Variants in TASP1 observed in about 807,000 individuals in gnomAD.
TASP1 encodes taspase 1, also known as threonine aspartase 1.
Under a neutral mutation model 56.6 loss-of-function variants are expected in TASP1, and 16 were observed. That is an observed-to-expected ratio of 0.28 (90% CI 0.19 to 0.43). TASP1 has a LOEUF of 0.43. Among genes scored for constraint, TASP1 ranks in the 20% least tolerant of loss-of-function variants. TASP1 has a pLI of 1.00. For synonymous variants in TASP1, 179 were observed against 184.2 expected, an observed-to-expected ratio of 0.97 and a Z score of 0.23; for missense variants, 393 against 511.6, an observed-to-expected ratio of 0.77 and a Z score of 2.24.
At chr20:13,376,620 C>A in the TASP1 span, among the ~76,000 whole-genome samples, 1 of 152,054 alleles carries the variant, frequency 6.6e-6, no homozygotes, top group African/African-American at 2.4e-5. Flanking sequence ...TGAATAAAGT[C>A]AATGGTAGCT....
At chr20:13,605,157 T>C (rs961730304) in intron 4 of TASP1, among the ~76,000 whole-genome samples, 1 of 151,954 alleles carries the variant, frequency 6.6e-6, no homozygotes, top group Non-Finnish European at 1.5e-5. Flanking sequence ...AAAAAGCAGA[T>C]AATGGTTGCC....
chr20:13,581,940 G>A (rs17226705), intron 5 of TASP1, among the ~76,000 whole-genome samples: 3,731 of 152,028 alleles, frequency 0.025, 66 homozygotes, highest in South Asian at 0.068. Flanking sequence ...AGCCAATATC[G>A]GAGACCATAC....
chr20:13,547,129 C>A (rs115799984), intron 8 of TASP1, among the ~76,000 whole-genome samples: 1 of 152,140 alleles, frequency 6.6e-6, no homozygotes, highest in Non-Finnish European at 1.5e-5. Flanking sequence ...TTTCTAGAGA[C>A]TGTGATAAGG....
At chr20:13,499,781 G>A (rs2043877382) in intron 10 of TASP1, among the ~76,000 whole-genome samples, 1 of 152,052 alleles carries the variant, frequency 6.6e-6, no homozygotes, top group Non-Finnish European at 1.5e-5. Flanking sequence ...TATAAACCAT[G>A]GAATACTATG....
intron 6 of TASP1, among the ~76,000 whole-genome samples, chr20:13,573,498 A>C (rs2046789626): frequency 6.6e-6 from 1 of 152,248 alleles, no homozygotes; most frequent in Non-Finnish European, 1.5e-5. Flanking sequence ...GAAACTCTCT[A>C]GAGTTCACTG....
At chr20:13,279,242 AAATAT>A in the TASP1 span, among the ~76,000 whole-genome samples, 1 of 152,224 alleles carries the variant, frequency 6.6e-6, no homozygotes, top group Non-Finnish European at 1.5e-5. Flanking sequence ...CTTCAGGAAC[AAATAT>A]AGTACATGTT....
chr20:13,608,256 G>T (rs191330781), intron 4 of TASP1, among the ~76,000 whole-genome samples: 53 of 152,314 alleles, frequency 3.5e-4, no homozygotes, highest in South Asian at 6.2e-4. Flanking sequence ...ATGAATGGAA[G>T]CCAATGAAAC....
chr20:13,533,805 C>A (rs1359187984), intron 9 of TASP1, among the ~76,000 whole-genome samples: 1 of 151,994 alleles, frequency 6.6e-6, no homozygotes, highest in Admixed American at 6.6e-5. Flanking sequence ...CTAGGATCAA[C>A]GATTGTAAAG....
intron 8 of TASP1, among the ~76,000 whole-genome samples, chr20:13,535,426 C>G (rs1211547723): frequency 1.3e-5 from 2 of 152,166 alleles, no homozygotes; most frequent in Non-Finnish European, 2.9e-5. Flanking sequence ...GCTCTAAATT[C>G]TAACTTCCCT....
intron 5 of TASP1, among the ~76,000 whole-genome samples, chr20:13,581,450 T>C (rs1206169783): frequency 1.3e-5 from 2 of 152,054 alleles, no homozygotes; most frequent in Admixed American, 6.6e-5. Flanking sequence ...GAAAAATTAA[T>C]GGGGGAAAAA....
At chr20:13,160,095 G>C in the TASP1 span, 1 of 1,613,874 alleles carries the variant, frequency 6.2e-7, no homozygotes, top group Non-Finnish European at 8.5e-7. Context: ...GCTCGGTTTT[G>C]TGTTTCAGCG....
chr20:13,152,344 C>T, the TASP1 span, among the ~76,000 whole-genome samples: 11 of 152,174 alleles, frequency 7.2e-5, no homozygotes, highest in African/African-American at 2.4e-4. Context: ...CCTTTAGAGG[C>T]TACCTGATCC....
the TASP1 span, among the ~76,000 whole-genome samples, chr20:13,347,448 C>T: frequency 2.6e-5 from 4 of 152,236 alleles, no homozygotes; most frequent in South Asian, 4.1e-4. Context: ...TGCCCAACCA[C>T]GTCTCTTCTT....
At chr20:13,591,210 A>C (rs1368164275) in intron 4 of TASP1, among the ~76,000 whole-genome samples, 1 of 152,114 alleles carries the variant, frequency 6.6e-6, no homozygotes, top group Non-Finnish European at 1.5e-5. Flanking sequence ...AATTATCCAA[A>C]CTTAATAAAC....
the TASP1 span, among the ~76,000 whole-genome samples, chr20:13,260,082 C>G: frequency 6.6e-6 from 1 of 152,208 alleles, no homozygotes; most frequent in South Asian, 2.1e-4. Context: ...GTTTTCCAAG[C>G]AGGAATCACA....
At chr20:13,251,182 A>C in the TASP1 span, among the ~76,000 whole-genome samples, 1 of 152,108 alleles carries the variant, frequency 6.6e-6, no homozygotes, top group Non-Finnish European at 1.5e-5. Flanking sequence ...CCAGTAGTTG[A>C]ATGGTGAGCA....
At chr20:13,331,264 T>C in the TASP1 span, among the ~76,000 whole-genome samples, 1 of 152,154 alleles carries the variant, frequency 6.6e-6, no homozygotes, top group Non-Finnish European at 1.5e-5. Context: ...TTTAGGGAGG[T>C]TATTAAACAT....
chr20:13,258,071 C>A, the TASP1 span, among the ~76,000 whole-genome samples: 1 of 152,242 alleles, frequency 6.6e-6, no homozygotes, highest in South Asian at 2.1e-4. Context: ...TGTATAGTGC[C>A]TGGAACGGGT....
the TASP1 span, among the ~76,000 whole-genome samples, chr20:13,227,526 T>C: frequency 7.4e-6 from 1 of 136,036 alleles, no homozygotes; most frequent in Admixed American, 7.5e-5. Flanking sequence ...TTTTTTTTTT[T>C]GAGACGGAGT....
Sources: allele counts gnomAD v4.1 joint callset (sites outside exome capture counted in the v4.1 genomes callset), GRCh38; gene constraint gnomAD v4.1.1; transcripts MANE v1.5; gene names NCBI Gene and HGNC (gene_info 2026-07-23, HGNC 2026-07-21).